The following ARSL variants were observed in gnomAD, a reference collection of about 807,000 sequenced individuals.
ARSL encodes arylsulfatase L.
Under a neutral mutation model 31.1 loss-of-function variants are expected in ARSL, and 4 were observed. The observed-to-expected ratio is 0.13, with a 90% CI of 0.06 to 0.29. The LOEUF (loss-of-function observed/expected upper bound fraction) is 0.29. Among genes scored for constraint, ARSL ranks in the 10% least tolerant of loss-of-function variants. ARSL has a pLI of 1.00. For synonymous variants in ARSL, 198 were observed against 209.9 expected, an observed-to-expected ratio of 0.94 and a Z score of 0.49; for missense variants, 312 against 497.8, an observed-to-expected ratio of 0.63 and a Z score of 3.55.
rs765064357 is a variant in ARSL, at chrX:2,949,475, A to G, written c.683T>C (p.Ile228Thr). The part of the protein sequence containing the change: ...HLIPVSWMPV[I>T]WSALSAVLLL... ...GAGGACGGCCGAAAGGGCTGACCAG[A>G]TGACCGGCATCCACGAGACGGGTAT... is the stretch of plus-strand genomic sequence containing the variant. Residue 228 changes from isoleucine (I) to threonine (T), a missense_variant, in exon 6 of 11, where the codon ATC becomes ACC. Transcript: ENST00000381134. 1 of 1,211,389 alleles carries G rather than the reference A, an allele frequency of 8.3e-7. No individual in the cohort carries two copies. Among genetic ancestry groups the G allele is most frequent in the East Asian group, 3.0e-5 (1 of 33,831 alleles).
chrX:2,960,064 T>G (rs2147407111), intron 2 of ARSL, among the ~76,000 whole-genome samples: 1 of 102,236 alleles, frequency 9.8e-6, no homozygotes, highest in South Asian at 4.7e-4. Flanking sequence ...GGTCAGGAGA[T>G]CGAGACCATC....
At chrX:2,941,247 CTTT>C (rs200569564) in intron 8 of ARSL, among the ~76,000 whole-genome samples, 1 of 80,633 alleles carries the variant, frequency 1.2e-5, no homozygotes. Context: ...TGTCCACAAT[CTTT>C]TTTTTTTTTT....
chrX:2,945,359 T>G (rs542074883), intron 7 of ARSL, among the ~76,000 whole-genome samples: 4 of 111,257 alleles, frequency 3.6e-5, no homozygotes, highest in African/African-American at 1.3e-4. Context: ...TAGGAGGAAA[T>G]TTAGTCCTAT....
upstream of ARSL, chrX:2,964,595 A>G (rs1407925148): frequency 3.0e-6 from 1 of 335,557 alleles, no homozygotes; most frequent in Admixed American, 9.3e-5. Flanking sequence ...GGGATTACAG[A>G]TGTGAGTCAC....
At chrX:2,940,544 A>G in intron 8 of ARSL, among the ~76,000 whole-genome samples, 2 of 110,886 alleles carry the variant, frequency 1.8e-5, no homozygotes, top group East Asian at 5.7e-4. Flanking sequence ...ACAAATCAAA[A>G]ATAAGTTTTT....
At chrX:2,962,607 T>C (rs1378925300) in intron 1 of ARSL, among the ~76,000 whole-genome samples, 32 of 111,497 alleles carry the variant, frequency 2.9e-4, no homozygotes, top group Admixed American at 2.5e-3. Context: ...AGAGAAGCGA[T>C]TGGTTGAGGG....
intron 10 of ARSL, among the ~76,000 whole-genome samples, chrX:2,936,063 G>A (rs757888959): frequency 1.2e-3 from 138 of 111,178 alleles, no homozygotes; most frequent in Middle Eastern, 4.7e-3. Context: ...ACCAGGCGTG[G>A]TGGCTCATGC....
intron 2 of ARSL, chrX:2,959,701 G>T: frequency 8.7e-7 from 1 of 1,149,185 alleles, no homozygotes; most frequent in Non-Finnish European, 1.1e-6. Flanking sequence ...CGGGTCTCAT[G>T]CTTCATTCTC....
chrX:2,956,008 C>T (rs1435681452), intron 3 of ARSL, among the ~76,000 whole-genome samples: 1 of 112,106 alleles, frequency 8.9e-6, no homozygotes, highest in Non-Finnish European at 1.9e-5. Context: ...TGCACTTCAA[C>T]CTGGGTGACA....
intron 5 of ARSL, among the ~76,000 whole-genome samples, chrX:2,950,611 C>G (rs917613341): frequency 9.0e-6 from 1 of 111,717 alleles, no homozygotes; most frequent in African/African-American, 3.3e-5. Context: ...TTCCCCTGCA[C>G]ATGCCCTCTT....
In ARSL at chrX:2,935,210, T is replaced by C; in HGVS notation, c.1412-20A>G. 8.3e-7 allele frequency: 1 copy of C among 1,202,590 alleles called. No individual in the cohort carries two copies. Among genetic ancestry groups the C allele is most frequent in the East Asian group, 3.0e-5 (1 of 33,790 alleles). On this transcript the variant is annotated intron_variant, in intron 10 of 10. Transcript: ENST00000381134. ...TTCCTCCTGGTGGAAAGATAATCAT[T>C]ACAGAGTTGGCATAGAGAAATAGGG...
intron 2 of ARSL, among the ~76,000 whole-genome samples, chrX:2,958,890 G>A (rs1037225213): frequency 2.7e-5 from 3 of 111,885 alleles, no homozygotes; most frequent in African/African-American, 6.5e-5. Context: ...GGAAGGCTGA[G>A]GTGGGAGGAT....
intron 10 of ARSL, among the ~76,000 whole-genome samples, chrX:2,936,327 TAAG>T (rs1436103109): frequency 9.1e-6 from 1 of 109,484 alleles, no homozygotes; most frequent in Non-Finnish European, 1.9e-5. Flanking sequence ...TACAAAAAAA[TAAG>T]AAAAAAAAGA....
intron 5 of ARSL, among the ~76,000 whole-genome samples, chrX:2,952,274 T>G (rs919228614): frequency 9.0e-6 from 1 of 111,425 alleles, no homozygotes; most frequent in Non-Finnish European, 1.9e-5. Flanking sequence ...TATCATGGCC[T>G]ACGAGAACAT....
intron 7 of ARSL, among the ~76,000 whole-genome samples, chrX:2,945,517 C>T (rs1182742518): frequency 8.9e-6 from 1 of 111,965 alleles, no homozygotes. Context: ...ACGTGGAAAT[C>T]TCTGAGGTCA....
At chrX:2,954,628 G>GTATTATTAT (rs761061951) in intron 4 of ARSL, among the ~76,000 whole-genome samples, 2,067 of 111,144 alleles carry the variant, frequency 0.019, 51 homozygotes, top group African/African-American at 0.065. Flanking sequence ...TAGGTGTTAT[G>GTATTATTAT]TATTATTATT....
chrX:2,935,489 A>T (rs2089184616), intron 10 of ARSL, among the ~76,000 whole-genome samples: 2 of 111,873 alleles, frequency 1.8e-5, no homozygotes, highest in South Asian at 7.5e-4. Flanking sequence ...AGGGAAACAC[A>T]TAATGACAGG....
In ARSL at chrX:2,949,615, G is replaced by A. The variant is rs772922751; in HGVS notation, c.543C>T (p.Cys181=). The A allele has an allele frequency of 2.6e-5, 32 of 1,209,121 alleles. No homozygotes were observed. Among genetic ancestry groups the A allele is most frequent in the South Asian group, 2.5e-4 (14 of 56,687 alleles). ...GCTTCTCTGAGAGTTCCCAGCGGGC[G>A]CAATCACCCATCAAGGAGAAAGGCA... The part of the protein sequence containing the change: ...YGMPFSLMGD[C]ARWELSEKRV... Residue 181 remains cysteine (C), a synonymous_variant, in exon 6 of 11, where the codon TGC becomes TGT. Transcript: ENST00000381134.
At chrX:2,964,505 C>T, upstream of ARSL, 4 of 745,277 alleles carry the variant, frequency 5.4e-6, no homozygotes, top group Non-Finnish European at 6.3e-6. Context: ...TTTGTAGAGA[C>T]GGGGTTTTGC....
Sources: gnomAD v4.1 joint callset for allele counts (sites outside exome capture counted in the v4.1 genomes callset) on GRCh38, gnomAD v4.1.1 for gene constraint, MANE v1.5 for transcripts, NCBI Gene and HGNC (gene_info 2026-07-23, HGNC 2026-07-21) for gene names.